SYNGR4: variants seen among roughly 807,000 people sequenced by gnomAD.
SYNGR4 encodes the protein synaptogyrin-4.
A neutral mutation model predicts 15.5 loss-of-function variants in SYNGR4; 15 were observed. The observed-to-expected ratio is 0.97, with a 90% confidence interval of 0.65 to 1.49. The LOEUF (loss-of-function observed/expected upper bound fraction) is 1.49, where lower values mean the gene tolerates loss of function less well. Among genes scored for constraint, SYNGR4 ranks in the 40% most tolerant of loss-of-function variants. The pLI, the probability that SYNGR4 is intolerant of heterozygous loss-of-function variation, is 0.00. For missense variants in SYNGR4, 292 were observed against 299.3 expected (o/e 0.98, Z 0.18); for synonymous variants, 121 against 127.4 (o/e 0.95, Z 0.34).
chr19:48,370,576 T>C (rs553458012), intron 2 of SYNGR4, among the ~76,000 whole-genome samples: 2 of 152,202 alleles, frequency 1.3e-5, no homozygotes, highest in South Asian at 2.1e-4. Flanking sequence ...TTCTTCTCTT[T>C]TGAGACAGGG....
rs1368713529 is a variant in SYNGR4, at chr19:48,365,804, G to C, written c.-39G>C. On this transcript the variant is annotated 5_prime_UTR_variant, in exon 2 of 5. Coordinates refer to ENST00000344846, the MANE Select transcript of SYNGR4 (RefSeq NM_012451.4). ...CCAGCAGGCAGCGCCCAGCACCCTG[G>C]CTCCCACCTCCCAGTGGCCCCAAAG... The C allele has an allele frequency of 6.2e-7, 1 of 1,609,798 alleles. No homozygotes were observed. The highest frequency in any genetic ancestry group is 1.7e-5 in the Admixed American group (1 of 59,978).
In SYNGR4 at chr19:48,365,848, C is replaced by T. The variant is rs778468144; in HGVS notation, c.6C>T (p.His2=). 2 of 1,613,832 alleles carry T rather than the reference C, an allele frequency of 1.2e-6. No homozygotes were observed. Among genetic ancestry groups the T allele is most frequent in the Non-Finnish European group, 1.7e-6 (2 of 1,179,982 alleles). The stretch of plus-strand genomic sequence containing the variant: ...CCCAAAGGAAAACAGCTGCCATGCA[C>T]ATCCCCAAAAGCCTCCAGGAGCTGG... M[H]IPKSLQELAN... The change falls in exon 2 of 5, where the codon CAC becomes CAT. Residue 2 remains histidine (H), a synonymous_variant. Transcript: ENST00000344846.
At chr19:48,365,019 G>A (rs1402564650) in intron 1 of SYNGR4, among the ~76,000 whole-genome samples, 1 of 149,998 alleles carries the variant, frequency 6.7e-6, no homozygotes, top group Admixed American at 6.6e-5. Flanking sequence ...CTTCACTTAT[G>A]TCCCCCACTC....
intron 1 of SYNGR4, among the ~76,000 whole-genome samples, 191 bp from the exon 2 acceptor site, chr19:48,365,545 C>A (rs1240813704): frequency 6.7e-6 from 1 of 149,736 alleles, no homozygotes. Flanking sequence ...ACGTCCCCGA[C>A]TTCTGGGGCC....
chr19:48,370,439 C>A (rs1007455848), intron 2 of SYNGR4, among the ~76,000 whole-genome samples: 1 of 152,016 alleles, frequency 6.6e-6, no homozygotes, highest in Non-Finnish European at 1.5e-5. Context: ...GCCGTGATCA[C>A]GCCACTGCAC....
At chr19:48,366,687 T>C (rs952580812) in intron 2 of SYNGR4, among the ~76,000 whole-genome samples, 4 of 152,062 alleles carry the variant, frequency 2.6e-5, no homozygotes, top group African/African-American at 4.8e-5. Flanking sequence ...ATTATAGGTG[T>C]CAGCCACCGC....
chr19:48,366,007 T>C (rs1272760577), intron 2 of SYNGR4, 72 bp downstream of exon 2: 1 of 1,493,834 alleles, frequency 6.7e-7, no homozygotes, highest in Non-Finnish European at 9.3e-7. Flanking sequence ...CCAGACACAG[T>C]GCGGGAGATG....
intron 2 of SYNGR4, among the ~76,000 whole-genome samples, chr19:48,367,165 G>T (rs1253093486): frequency 6.6e-6 from 1 of 151,658 alleles, no homozygotes. Flanking sequence ...GGGCACGGTG[G>T]CTCACACCTG....
chr19:48,365,716 C>G lies in SYNGR4; in HGVS notation c.-107-20C>G, dbSNP rs968843706. The G allele has an allele frequency of 4.0e-6, 4 of 999,404 alleles. No homozygotes were observed. In the African/African-American group the frequency reaches 4.9e-5, roughly 12 times the overall value. 61.9% of individuals were successfully genotyped at this position (999,404 alleles called of 1,614,324 possible). A position where few individuals can be genotyped will look rare whatever the true frequency, so the allele number is the denominator to read the frequency against. On this transcript the variant is annotated intron_variant, in intron 1 of 4. Transcript: ENST00000344846. ...ACCCCGTGCCCCTGACTGGCATCCC[C>G]CATCTGTGTCATCCCACAGCAGCCA...
At chr19:48,371,364 C>G (rs1358275082) in intron 2 of SYNGR4, among the ~76,000 whole-genome samples, 1 of 151,286 alleles carries the variant, frequency 6.6e-6, no homozygotes, top group Non-Finnish European at 1.5e-5. Flanking sequence ...CATCTACACA[C>G]CAGCTCGTCT....
intron 3 of SYNGR4, among the ~76,000 whole-genome samples, chr19:48,375,223 G>A (rs1388999687): frequency 1.3e-5 from 2 of 151,682 alleles, no homozygotes; most frequent in Admixed American, 6.6e-5. Flanking sequence ...ACGGGGTTTC[G>A]CCATGTTGCC....
At chr19:48,366,788 A>G (rs1417036777) in intron 2 of SYNGR4, among the ~76,000 whole-genome samples, 1 of 152,176 alleles carries the variant, frequency 6.6e-6, no homozygotes, top group Non-Finnish European at 1.5e-5. Flanking sequence ...AATTAAAATA[A>G]AAGTCCATTC....
At chr19:48,364,610 G>A (rs2147397129) in intron 1 of SYNGR4, 73 bp downstream of exon 1, 1 of 152,352 alleles carries the variant, frequency 6.6e-6, no homozygotes, top group Admixed American at 6.5e-5. Flanking sequence ...CCAGCTTGAG[G>A]AGGTGCACTT....
At chr19:48,368,130 C>T (rs952275991) in intron 2 of SYNGR4, among the ~76,000 whole-genome samples, 5 of 152,170 alleles carry the variant, frequency 3.3e-5, no homozygotes, top group African/African-American at 1.2e-4. Flanking sequence ...GGCCTGATGT[C>T]CTTACCAGCA....
At chr19:48,368,541 G>T (rs964965497) in intron 2 of SYNGR4, among the ~76,000 whole-genome samples, 1 of 152,024 alleles carries the variant, frequency 6.6e-6, no homozygotes, top group Non-Finnish European at 1.5e-5. Context: ...CACCATGCCT[G>T]GCTAATTTTT....
chr19:48,370,178 G>A (rs567768548), intron 2 of SYNGR4, among the ~76,000 whole-genome samples: 44 of 152,266 alleles, frequency 2.9e-4, no homozygotes, highest in Admixed American at 2.0e-3. Flanking sequence ...CCAGTCTAGC[G>A]CTGGGTGCTG....
At position 48,365,906 on chromosome 19, in the gene SYNGR4, C is replaced by T; in HGVS notation, c.64C>T (p.Pro22Ser). The T allele has an allele frequency of 6.2e-7, 1 of 1,613,838 alleles. No homozygotes were observed. The highest frequency in any genetic ancestry group is 8.5e-7 in the Non-Finnish European group (1 of 1,179,984). Residue 22 changes from proline to serine, a missense_variant, in exon 2 of 5, where the codon CCC becomes TCC. Transcript: ENST00000344846. ...CGAAGCCGTGCAGTTTCTGAGAAGG[C>T]CCAAGACCATCACGCGGGTCTTCGA... is the stretch of plus-strand genomic sequence containing the variant. ...NSEAVQFLRRPKTITRVFEGV... is the reference protein window; with the variant it reads ...NSEAVQFLRRSKTITRVFEGV...
chr19:48,370,694 G>T (rs1217237604), intron 2 of SYNGR4, among the ~76,000 whole-genome samples: 5 of 152,050 alleles, frequency 3.3e-5, no homozygotes, highest in Non-Finnish European at 7.4e-5. Flanking sequence ...CAAAGCACTG[G>T]GATTACAGGC....
chr19:48,372,240 A>G (rs1970318800), intron 2 of SYNGR4, among the ~76,000 whole-genome samples: 1 of 151,962 alleles, frequency 6.6e-6, no homozygotes, highest in South Asian at 2.1e-4. Context: ...CCCCAGTTCC[A>G]TTATCTGAAA....
Sources: gnomAD v4.1 joint callset for allele counts (sites outside exome capture counted in the v4.1 genomes callset) on GRCh38, gnomAD v4.1.1 for gene constraint, MANE v1.5 for transcripts, NCBI Gene and HGNC (gene_info 2026-07-23, HGNC 2026-07-21) for gene names.